The following ZNF407 variants were observed in gnomAD, a reference collection of about 807,000 sequenced individuals.
The protein encoded by ZNF407 is zinc finger protein 407.
Under a neutral mutation model 131.2 loss-of-function variants are expected in ZNF407, and 17 were observed. The ratio of observed to expected loss-of-function variants is 0.13; its 90% CI spans 0.09 to 0.19. ZNF407 has a LOEUF of 0.19. Ranked by LOEUF, ZNF407 falls within the 10% of genes least tolerant of loss-of-function variation. ZNF407 has a pLI of 1.00. For missense variants in ZNF407, 2,681 were observed against 2,830.6 expected, an observed-to-expected ratio of 0.95 and a Z score of 1.20; for synonymous variants, 1,156 against 1,062.0, an observed-to-expected ratio of 1.09 and a Z score of -1.72.
At chr18:74,930,870 G>A (rs1971975276) in intron 8 of ZNF407, among the ~76,000 whole-genome samples, 1 of 152,136 alleles carries the variant, frequency 6.6e-6, no homozygotes, top group Admixed American at 6.5e-5. Context: ...ACTACCTTAA[G>A]GAGACCTGGT....
Position 74,632,163 on chromosome 18 carries a change from C to G in ZNF407, c.1144C>G (p.Leu382Val). ...GAATCCTGAAAACCAGAGTAGAAAG[C>G]TAGACACCTTAGTAACCTCAGAGGG... The part of the protein sequence containing the change: ...AQNPENQSRK[L>V]DTLVTSEGLL... The change falls in exon 2 of 9, where the codon CTA (leucine) becomes GTA (valine). Residue 382 changes from leucine to valine, a missense_variant. Coordinates refer to ENST00000299687, the MANE Select transcript of ZNF407 (RefSeq NM_017757.3). The G allele has an allele frequency of 6.2e-7, 1 of 1,613,976 alleles. No individual in the cohort carries two copies. Among genetic ancestry groups the G allele is most frequent in the Non-Finnish European group, 8.5e-7 (1 of 1,179,894 alleles).
intron 3 of ZNF407, among the ~76,000 whole-genome samples, chr18:74,674,458 T>C (rs961527891): frequency 6.6e-6 from 1 of 151,772 alleles, no homozygotes; most frequent in Non-Finnish European, 1.5e-5. Context: ...AAATTCTCTG[T>C]TATCAAGTGG....
At chr18:74,901,798 C>T (rs1360712954) in intron 7 of ZNF407, among the ~76,000 whole-genome samples, 1 of 152,194 alleles carries the variant, frequency 6.6e-6, no homozygotes, top group East Asian at 1.9e-4. Flanking sequence ...TTTAACTACA[C>T]ATGCACACAT....
chr18:74,647,396 A>G (rs1484074406), intron 3 of ZNF407, among the ~76,000 whole-genome samples: 2 of 152,094 alleles, frequency 1.3e-5, no homozygotes, highest in Non-Finnish European at 2.9e-5. Flanking sequence ...GTGAGCTATG[A>G]TGGTGCCACT....
chr18:74,747,152 G>GT (rs551601056), intron 3 of ZNF407, among the ~76,000 whole-genome samples: 2 of 46,810 alleles, frequency 4.3e-5, no homozygotes, highest in Non-Finnish European at 2.2e-4. Context: ...TTCGTTTCTA[G>GT]TTTTTTTTTC....
intron 4 of ZNF407, among the ~76,000 whole-genome samples, chr18:74,792,720 C>T (rs537994863): frequency 6.6e-6 from 1 of 152,102 alleles, no homozygotes; most frequent in South Asian, 2.1e-4. Flanking sequence ...TATTTTCAAA[C>T]TAATTTCTTT....
At chr18:74,640,156 G>A (rs1474789757) in intron 2 of ZNF407, among the ~76,000 whole-genome samples, 1 of 152,050 alleles carries the variant, frequency 6.6e-6, no homozygotes, top group Non-Finnish European at 1.5e-5. Flanking sequence ...TGTCTTAAAA[G>A]AGCGTTATTT....
At chr18:74,729,691 A>G (rs1465773740) in intron 3 of ZNF407, among the ~76,000 whole-genome samples, 1 of 152,352 alleles carries the variant, frequency 6.6e-6, no homozygotes, top group East Asian at 1.9e-4. Flanking sequence ...CAACATACAC[A>G]GGGACCGTAC....
intron 8 of ZNF407, among the ~76,000 whole-genome samples, chr18:75,052,822 G>C (rs1171689579): frequency 6.6e-6 from 1 of 152,186 alleles, no homozygotes. Context: ...CGTGCACCCG[G>C]GTGGAAGGAC....
chr18:74,787,871 G>C (rs1365072800), intron 4 of ZNF407, among the ~76,000 whole-genome samples: 1 of 152,174 alleles, frequency 6.6e-6, no homozygotes, highest in African/African-American at 2.4e-5. Context: ...CCTCATAAAA[G>C]TTACATGTTT....
intron 3 of ZNF407, among the ~76,000 whole-genome samples, chr18:74,670,630 A>C (rs544944799): frequency 6.6e-6 from 1 of 152,284 alleles, no homozygotes; most frequent in African/African-American, 2.4e-5. Context: ...AGGGTTTTTA[A>C]ATATATTTAA....
At chr18:74,715,307 G>A (rs1156627913) in intron 3 of ZNF407, among the ~76,000 whole-genome samples, 1 of 152,190 alleles carries the variant, frequency 6.6e-6, no homozygotes, top group Non-Finnish European at 1.5e-5. Flanking sequence ...CTATCCAAAT[G>A]TGCGTATTTA....
chr18:74,997,410 C>A (rs1355632515), intron 8 of ZNF407, among the ~76,000 whole-genome samples: 2 of 151,916 alleles, frequency 1.3e-5, no homozygotes, highest in Admixed American at 1.3e-4. Flanking sequence ...CTGGGCCCAG[C>A]AAAAGGAAAA....
intron 5 of ZNF407, among the ~76,000 whole-genome samples, chr18:74,878,885 C>T (rs1486234320): frequency 7.0e-6 from 1 of 143,800 alleles, no homozygotes; most frequent in Non-Finnish European, 1.5e-5. Context: ...CCCCAACCCA[C>T]TCCAAAAAAA....
At chr18:75,043,062 G>T (rs1973392118) in intron 8 of ZNF407, among the ~76,000 whole-genome samples, 1 of 152,176 alleles carries the variant, frequency 6.6e-6, no homozygotes, top group Admixed American at 6.5e-5. Flanking sequence ...ATGGGGTCAT[G>T]GGATGATGTG....
At chr18:74,896,323 A>G (rs1444065424) in intron 7 of ZNF407, among the ~76,000 whole-genome samples, 2 of 152,218 alleles carry the variant, frequency 1.3e-5, no homozygotes, top group Non-Finnish European at 2.9e-5. Flanking sequence ...CCTCAAGTCT[A>G]TATGTCTTTA....
intron 3 of ZNF407, among the ~76,000 whole-genome samples, chr18:74,680,835 T>C (rs2144776749): frequency 6.6e-6 from 1 of 152,348 alleles, no homozygotes; most frequent in East Asian, 1.9e-4. Context: ...AGTAAAAATA[T>C]TAGTTTATAC....
At chr18:74,664,356 G>T (rs1432057984) in intron 3 of ZNF407, among the ~76,000 whole-genome samples, 1 of 152,148 alleles carries the variant, frequency 6.6e-6, no homozygotes, top group Non-Finnish European at 1.5e-5. Flanking sequence ...AACATTAGCC[G>T]TGGTGGCAGG....
intron 1 of ZNF407, among the ~76,000 whole-genome samples, chr18:74,630,052 GCT>G (rs950194309): frequency 6.6e-6 from 1 of 152,074 alleles, no homozygotes; most frequent in Non-Finnish European, 1.5e-5. Flanking sequence ...TGGTAAAAGA[GCT>G]TGAGCACGAA....
Sources: allele counts gnomAD v4.1 joint callset (sites outside exome capture counted in the v4.1 genomes callset), GRCh38; gene constraint gnomAD v4.1.1; transcripts MANE v1.5; gene names NCBI Gene and HGNC (gene_info 2026-07-23, HGNC 2026-07-21).